Variants in AP2B1 observed in about 807,000 individuals in gnomAD.
AP2B1 encodes the protein AP-2 complex subunit beta.
In AP2B1, 23 loss-of-function variants were observed where a neutral mutation model predicts 102.0. The ratio of observed to expected loss-of-function variants is 0.23; its 90% confidence interval spans 0.16 to 0.32. The LOEUF is 0.32. Among genes scored for constraint, AP2B1 ranks in the 10% least tolerant of loss-of-function variants. The pLI is 1.00. For missense variants in AP2B1, 541 were observed against 1,157.4 expected (o/e 0.47, Z 7.73); for synonymous variants, 381 against 421.2 (o/e 0.90, Z 1.17).
intron 12 of AP2B1, among the ~76,000 whole-genome samples, chr17:35,649,273 A>T (rs980712489): frequency 1.9e-3 from 286 of 150,746 alleles, no homozygotes; most frequent in African/African-American, 2.7e-3. Context: ...GTTAAAAAAA[A>T]TTTCTTTTTT....
rs915230285 is a variant in AP2B1 at position 35,630,960 on chromosome 17, G to T, written c.1155+3234G>T. Among the ~76,000 whole-genome samples, 13 of 152,326 alleles carry T rather than the reference G, an allele frequency of 8.5e-5. 1 individual carries two copies. In the South Asian group the frequency reaches 2.7e-3, roughly 32 times the overall value. Reference sequence around the variant, plus strand: ...CAAGCCAAACAGTTAATTGGACCAGGAGAGGCAATGATTGCCTGTTTGCAC... The same window carrying T: ...CAAGCCAAACAGTTAATTGGACCAGTAGAGGCAATGATTGCCTGTTTGCAC... On this transcript the variant is annotated intron_variant, in intron 9 of 21. Coordinates refer to ENST00000610402, the MANE Select transcript of AP2B1 (RefSeq NM_001030006.2).
chr17:35,689,045 CCT>C (rs1463892500), intron 18 of AP2B1, among the ~76,000 whole-genome samples: 1 of 152,266 alleles, frequency 6.6e-6, no homozygotes, highest in South Asian at 2.1e-4. Context: ...ATAACGAGCC[CCT>C]GTGTACCCAT....
At chr17:35,720,571 A>ATT (rs1164042261) in intron 21 of AP2B1, among the ~76,000 whole-genome samples, 217 of 44,172 alleles carry the variant, frequency 4.9e-3, no homozygotes, top group East Asian at 7.5e-3. Flanking sequence ...ATATATATAT[A>ATT]TATTTTTTTT....
intron 5 of AP2B1, chr17:35,621,447 G>A (rs1390025331): frequency 7.8e-6 from 5 of 642,382 alleles, no homozygotes; most frequent in Non-Finnish European, 9.7e-6. Context: ...TAGGATGGAA[G>A]GAACTTCAAG....
At chr17:35,703,265 A>G (rs2076274287) in intron 18 of AP2B1, among the ~76,000 whole-genome samples, 1 of 5,182 alleles carries the variant, frequency 1.9e-4, no homozygotes. Context: ...ACTCCATCTC[A>G]AAAAAAAAAA....
chr17:35,673,764 T>A (rs893034931), intron 16 of AP2B1, among the ~76,000 whole-genome samples: 1 of 152,186 alleles, frequency 6.6e-6, no homozygotes, highest in Non-Finnish European at 1.5e-5. Flanking sequence ...CTGTTTTCAT[T>A]AGTAGATGCA....
chr17:35,607,844 C>T, intron 4 of AP2B1: 1 of 200,824 alleles, frequency 5.0e-6, no homozygotes, highest in Non-Finnish European at 9.9e-6. Flanking sequence ...TAGGGTAGAT[C>T]CTAATGGCTG....
At chr17:35,719,841 A>AT (rs1335568535) in intron 21 of AP2B1, among the ~76,000 whole-genome samples, 2 of 151,912 alleles carry the variant, frequency 1.3e-5, no homozygotes, top group African/African-American at 4.8e-5. Context: ...ATTAAAACAT[A>AT]TTTTTTTTAA....
Position 35,717,212 on chromosome 17 carries a change from T to C in AP2B1, c.2644T>C (p.Leu882=), listed in dbSNP as rs141653744. Residue 882 remains leucine (L), a synonymous_variant, in exon 21 of 22, where the codon TTG becomes CTG. Transcript: ENST00000610402. The part of the protein sequence containing the change: ...HLNADTVSSK[L]QNNNVYTIAK... ...ATTTCTAGACACTGTTTCCAGCAAGTTGCAAAACAACAATGTTTATACTAT... is the reference window on the plus strand; with the variant it reads ...ATTTCTAGACACTGTTTCCAGCAAGCTGCAAAACAACAATGTTTATACTAT... 6 of 1,613,928 alleles carry C rather than the reference T, an allele frequency of 3.7e-6. No individual in the cohort carries two copies. Among genetic ancestry groups the C allele is most frequent in the South Asian group, 2.2e-5 (2 of 91,056 alleles).
intron 14 of AP2B1, among the ~76,000 whole-genome samples, chr17:35,669,144 T>C (rs1158156909): frequency 2.7e-4 from 1 of 3,720 alleles, no homozygotes; most frequent in African/African-American, 6.3e-3. Flanking sequence ...GGGGATGCCT[T>C]TTTTTTTTTT....
At position 35,598,225 on chromosome 17, in the gene AP2B1, T is replaced by G. The variant is rs368542854; in HGVS notation, c.38-5T>G. ...ACCTTACCAGTTTGCTCTCATCTCT[T>G]GCAGGAGAAATATTTGAACTAAAAG... is the stretch of plus-strand genomic sequence containing the variant. On this transcript the variant is annotated splice_polypyrimidine_tract_variant and splice_region_variant and intron_variant, in intron 2 of 21. Coordinates refer to ENST00000610402, the MANE Select transcript of AP2B1 (RefSeq NM_001030006.2). 13 of 1,604,704 alleles carry G rather than the reference T, an allele frequency of 8.1e-6. No homozygotes were observed. The highest frequency in any genetic ancestry group is 1.1e-5 in the Non-Finnish European group (13 of 1,172,256).
intron 5 of AP2B1, among the ~76,000 whole-genome samples, chr17:35,615,402 G>T (rs183707541): frequency 2.6e-5 from 4 of 152,232 alleles, no homozygotes; most frequent in African/African-American, 9.6e-5. Context: ...TGCACCTTCC[G>T]GTTGTTATAA....
In AP2B1 at chr17:35,671,865, G is replaced by A. The variant is rs1431690845; in HGVS notation, c.2143G>A (p.Gly715Ser). ...NDLFELSTGI[G>S]MAPGGYVAPK... is the part of the protein sequence containing the mutation. ...CCTGTTTGAACTCTCCACAGGGATA[G>A]GCATGGCACCTGGTGGATATGTGGC... is the stretch of plus-strand genomic sequence containing the variant. The change falls in exon 16 of 22, where the codon GGC becomes AGC. Residue 715 changes from glycine (G) to serine (S), a missense_variant. Transcript: ENST00000610402. The A allele has an allele frequency of 3.7e-6, 6 of 1,614,016 alleles. No individual in the cohort carries two copies. The highest frequency in any genetic ancestry group is 5.1e-6 in the Non-Finnish European group (6 of 1,180,012).
intron 1 of AP2B1, 95 bp from the exon 2 acceptor site, chr17:35,593,913 G>C: frequency 8.7e-6 from 5 of 576,606 alleles, no homozygotes; most frequent in Non-Finnish European, 1.5e-5. Context: ...TTAAATATAA[G>C]TGTTCCTAAA....
intron 6 of AP2B1, among the ~76,000 whole-genome samples, chr17:35,625,769 AG>A (rs2074297865): frequency 6.6e-6 from 1 of 152,068 alleles, no homozygotes; most frequent in East Asian, 1.9e-4. Flanking sequence ...TTTGGGGGTG[AG>A]GGGTTGTATT....
intron 18 of AP2B1, among the ~76,000 whole-genome samples, chr17:35,697,615 C>T (rs1051495639): frequency 2.6e-5 from 4 of 152,136 alleles, no homozygotes; most frequent in African/African-American, 9.7e-5. Flanking sequence ...AACAGAAGAA[C>T]CCTGTCTTTT....
intron 20 of AP2B1, among the ~76,000 whole-genome samples, chr17:35,712,838 A>G (rs1487649470): frequency 6.6e-6 from 1 of 152,214 alleles, no homozygotes; most frequent in Non-Finnish European, 1.5e-5. Flanking sequence ...ATCACAAAAT[A>G]CTTATTAGTA....
intron 17 of AP2B1, among the ~76,000 whole-genome samples, chr17:35,675,363 T>C (rs1476405596): frequency 6.6e-6 from 1 of 152,238 alleles, no homozygotes; most frequent in East Asian, 1.9e-4. Flanking sequence ...TAAGTGACTG[T>C]CTGATTTATT....
rs1177680483 is a variant in AP2B1, at chr17:35,608,348, G to A, written c.486G>A (p.Leu162=). The change falls in exon 5 of 22, where the codon CTG becomes CTA. Residue 162 remains leucine (L), a synonymous_variant. Coordinates refer to ENST00000610402, the MANE Select transcript of AP2B1 (RefSeq NM_001030006.2). ...AAATGGTGGAAGATCAGGGATTTCTGGATTCTCTACGGGATCTCATAGCAG... is the reference window on the plus strand; with the variant it reads ...AAATGGTGGAAGATCAGGGATTTCTAGATTCTCTACGGGATCTCATAGCAG... ...NAQMVEDQGF[L]DSLRDLIADS... The A allele has an allele frequency of 3.1e-6, 5 of 1,614,056 alleles. No homozygotes were observed. Among genetic ancestry groups the A allele is most frequent in the Non-Finnish European group, 4.2e-6 (5 of 1,180,052 alleles).
Sources: gnomAD v4.1 joint callset for allele counts (sites outside exome capture counted in the v4.1 genomes callset) on GRCh38, gnomAD v4.1.1 for gene constraint, MANE v1.5 for transcripts, NCBI Gene and HGNC (gene_info 2026-07-23, HGNC 2026-07-21) for gene names.